Variants in RPS6KA5 observed in about 807,000 individuals in gnomAD.
RPS6KA5 encodes the protein ribosomal protein S6 kinase A5.
In RPS6KA5, 27 loss-of-function variants were observed where a neutral mutation model predicts 85.5. The observed-to-expected ratio is 0.32, with a 90% CI of 0.23 to 0.44. The LOEUF (loss-of-function observed/expected upper bound fraction) is 0.44. RPS6KA5 is among the 20% of genes least tolerant of loss of function. The probability of loss-of-function intolerance (pLI) is 1.00; values close to 1 mark genes in which losing one functional copy is unlikely to be tolerated. For synonymous variants in RPS6KA5, 334 were observed against 348.2 expected, an observed-to-expected ratio of 0.96 and a Z score of 0.46; for missense variants, 811 against 980.9, an observed-to-expected ratio of 0.83 and a Z score of 2.31.
intron 7 of RPS6KA5, chr14:90,911,321 C>G (rs1465473949): frequency 6.6e-6 from 1 of 152,218 alleles, no homozygotes; most frequent in East Asian, 1.9e-4. Context: ...CACTCAGGAC[C>G]TTTCTTCCTC....
At chr14:90,989,614 T>C (rs372522996) in intron 2 of RPS6KA5, among the ~76,000 whole-genome samples, 1 of 152,126 alleles carries the variant, frequency 6.6e-6, no homozygotes, top group East Asian at 1.9e-4. Context: ...CTCCCATACT[T>C]GGACAGATAT....
Position 90,893,837 on chromosome 14 carries a change from C to T in RPS6KA5, c.1644+576G>A, listed in dbSNP as rs548404438. 30 of 211,488 alleles carry T rather than the reference C, an allele frequency of 1.4e-4. No homozygotes were observed. In the Middle Eastern group the frequency reaches 0.015, roughly 104 times the overall value. The allele number at this position is 211,488 out of a possible 1,614,324, so 13.1% of individuals were successfully genotyped here. A position where few individuals can be genotyped will look rare whatever the true frequency, so the allele number is the denominator to read the frequency against. ...TAAGAGTTAGAACATTCTTTATTAG[C>T]CTTTCATAAGAGGAGACATATAAAT... On this transcript the variant is annotated intron_variant, in intron 13 of 16. Coordinates refer to ENST00000614987, the MANE Select transcript of RPS6KA5 (RefSeq NM_004755.4).
At chr14:90,873,335 TA>T (rs1481900785) in intron 16 of RPS6KA5, among the ~76,000 whole-genome samples, 2 of 152,222 alleles carry the variant, frequency 1.3e-5, no homozygotes, top group Admixed American at 6.5e-5. Flanking sequence ...TTATGGTTTT[TA>T]AAGAAATTTA....
At chr14:90,948,075 C>T (rs2037967077) in intron 3 of RPS6KA5, among the ~76,000 whole-genome samples, 1 of 152,164 alleles carries the variant, frequency 6.6e-6, no homozygotes, top group South Asian at 2.1e-4. Flanking sequence ...ATAAGTATTA[C>T]AACTTGGTCA....
intron 1 of RPS6KA5, among the ~76,000 whole-genome samples, chr14:91,030,075 TA>T (rs1175468798): frequency 6.6e-6 from 1 of 152,062 alleles, no homozygotes; most frequent in Non-Finnish European, 1.5e-5. Context: ...GTGAGCAAGC[TA>T]AATCACCCCC....
intron 2 of RPS6KA5, among the ~76,000 whole-genome samples, chr14:91,000,841 A>C (rs182236539): frequency 3.1e-4 from 47 of 152,226 alleles, no homozygotes; most frequent in Non-Finnish European, 1.9e-4. Context: ...GTCCTGTGTA[A>C]AGGCTGAACT....
chr14:90,906,058 A>G, intron 8 of RPS6KA5, 91 bp downstream of exon 8: 1 of 1,237,892 alleles, frequency 8.1e-7, no homozygotes, highest in Non-Finnish European at 1.1e-6. Flanking sequence ...ATGATCCCAA[A>G]GGGGACTGTG....
Position 90,852,663 on chromosome 14 carries a change from T to C in RPS6KA5, c.*19411A>G, listed in dbSNP as rs2032059709. The C allele has an allele frequency of 6.6e-6, 1 of 151,578 alleles. No individual in the cohort carries two copies. The highest frequency in any genetic ancestry group is 1.5e-5 in the Non-Finnish European group (1 of 67,882). 9.4% of individuals were successfully genotyped at this position (151,578 alleles called of 1,614,324 possible). On this transcript the variant is annotated 3_prime_UTR_variant, in exon 17 of 17. Transcript: ENST00000614987. ...AGGCATACTTCCAACTTTTATTTTA[T>C]CCACATTAAAAGTATTTGTCTTTAA...
At chr14:90,888,560 C>T (rs1055053788) in intron 14 of RPS6KA5, among the ~76,000 whole-genome samples, 1 of 150,068 alleles carries the variant, frequency 6.7e-6, no homozygotes, top group Admixed American at 6.7e-5. Context: ...GAGATAAAAA[C>T]TATATAAAAC....
chr14:90,952,650 G>A (rs1481332421), intron 3 of RPS6KA5, among the ~76,000 whole-genome samples: 4 of 152,230 alleles, frequency 2.6e-5, no homozygotes, highest in African/African-American at 9.6e-5. Context: ...TCTGTTATTT[G>A]GCTTGGGGAT....
chr14:91,009,607 AG>A (rs2041174153), intron 1 of RPS6KA5, among the ~76,000 whole-genome samples: 1 of 152,222 alleles, frequency 6.6e-6, no homozygotes, highest in Non-Finnish European at 1.5e-5. Context: ...CTAAAGCATA[AG>A]AAATGCAAGT....
chr14:90,919,056 T>C (rs2036267769), intron 7 of RPS6KA5, among the ~76,000 whole-genome samples: 1 of 152,228 alleles, frequency 6.6e-6, no homozygotes, highest in Non-Finnish European at 1.5e-5. Flanking sequence ...ATCTTCACTA[T>C]ATGGAATAGT....
chr14:90,919,944 C>T (rs1434074894), intron 7 of RPS6KA5, among the ~76,000 whole-genome samples: 1 of 152,104 alleles, frequency 6.6e-6, no homozygotes, highest in Non-Finnish European at 1.5e-5. Flanking sequence ...AGACAATATG[C>T]TAAGTGCTCT....
At chr14:90,978,237 A>G (rs1342006389) in intron 3 of RPS6KA5, 69 bp downstream of exon 3, 1 of 1,170,986 alleles carries the variant, frequency 8.5e-7, no homozygotes, top group Non-Finnish European at 1.2e-6. Flanking sequence ...CTTGCCCTTT[A>G]AGTACATTAT....
At chr14:91,008,280 G>C (rs903013268) in intron 1 of RPS6KA5, among the ~76,000 whole-genome samples, 2 of 152,186 alleles carry the variant, frequency 1.3e-5, no homozygotes, top group African/African-American at 2.4e-5. Flanking sequence ...TAATGCTTTT[G>C]AAGCCATTTC....
At chr14:90,993,674 T>C (rs1369530708) in intron 2 of RPS6KA5, among the ~76,000 whole-genome samples, 2 of 152,202 alleles carry the variant, frequency 1.3e-5, no homozygotes, top group African/African-American at 4.8e-5. Context: ...GTCTTTTCTC[T>C]TTGACTGCTT....
chr14:91,059,570 C>T, intron 1 of RPS6KA5, among the ~76,000 whole-genome samples: 1 of 152,246 alleles, frequency 6.6e-6, no homozygotes, highest in East Asian at 1.9e-4. Context: ...ACCTACACCA[C>T]GAATACATTT....
chr14:91,052,458 C>T (rs778558168), intron 1 of RPS6KA5: 31 of 150,316 alleles, frequency 2.1e-4, no homozygotes, highest in African/African-American at 6.1e-4. Context: ...AGAGTAGACT[C>T]GTCTCTTAAA....
intron 7 of RPS6KA5, among the ~76,000 whole-genome samples, chr14:90,913,681 C>A (rs1024537563): frequency 6.6e-6 from 1 of 152,116 alleles, no homozygotes; most frequent in African/African-American, 2.4e-5. Context: ...TTTCTGTAGC[C>A]CACACAATGC....
Sources: gnomAD v4.1 joint callset for allele counts (sites outside exome capture counted in the v4.1 genomes callset) on GRCh38, gnomAD v4.1.1 for gene constraint, MANE v1.5 for transcripts, NCBI Gene and HGNC (gene_info 2026-07-23, HGNC 2026-07-21) for gene names.